MYO5B: variants seen among roughly 807,000 people sequenced by gnomAD.
The protein encoded by MYO5B is myosin VB.
In MYO5B, 143 loss-of-function variants were observed where a neutral mutation model predicts 229.3. That is an observed-to-expected ratio of 0.62 (90% CI 0.54 to 0.72). The LOEUF (loss-of-function observed/expected upper bound fraction) is 0.72. MYO5B is among the 30% of genes least tolerant of loss of function. The pLI, the probability that MYO5B is intolerant of heterozygous loss-of-function variation, is 0.00. For synonymous variants in MYO5B, 918 were observed against 885.2 expected, an observed-to-expected ratio of 1.04 and a Z score of -0.66; for missense variants, 2,321 against 2,331.0, an observed-to-expected ratio of 1.00 and a Z score of 0.09.
intron 1 of MYO5B, among the ~76,000 whole-genome samples, chr18:50,136,585 T>A (rs1705502): frequency 2.1e-3 from 315 of 152,194 alleles, no homozygotes; most frequent in Non-Finnish European, 4.0e-3. Context: ...GGAGGTAGGG[T>A]TATGTGTGTA....
At chr18:50,004,475 A>G (rs921057303) in intron 4 of MYO5B, among the ~76,000 whole-genome samples, 1 of 152,220 alleles carries the variant, frequency 6.6e-6, no homozygotes, top group Non-Finnish European at 1.5e-5. Flanking sequence ...TATGTAGGCT[A>G]AAGTCAGATA....
In MYO5B at chr18:49,910,984, C is replaced by T. The variant is rs971635554; in HGVS notation, c.2202+1078G>A. On this transcript the variant is annotated intron_variant, in intron 18 of 39. Coordinates refer to ENST00000285039, the MANE Select transcript of MYO5B (RefSeq NM_001080467.3). Reference sequence around the variant, plus strand: ...CCCTCACAAAAGGCCCCAATAGCTCCGCTTCTATAGTTCTCCAGTCTCAGC... The same window carrying T: ...CCCTCACAAAAGGCCCCAATAGCTCTGCTTCTATAGTTCTCCAGTCTCAGC... Among the ~76,000 whole-genome samples, 7 of 152,180 alleles carry T rather than the reference C, an allele frequency of 4.6e-5. No individual in the cohort carries two copies. The South Asian group carries it at 6.2e-4, about 14-fold the overall frequency.
intron 5 of MYO5B, among the ~76,000 whole-genome samples, chr18:50,000,254 T>C (rs903258971): frequency 6.6e-6 from 1 of 152,182 alleles, no homozygotes; most frequent in Non-Finnish European, 1.5e-5. Flanking sequence ...CCTTAGTCGA[T>C]GGGGCTCAGG....
rs761990326 is a variant in MYO5B at position 49,904,697 on chromosome 18, A to G, written c.2546T>C (p.Met849Thr). 3.7e-6 allele frequency: 6 copies of G among 1,614,028 alleles called. No individual in the cohort carries two copies. In the East Asian group the frequency reaches 6.7e-5, roughly 18 times the overall value. The change falls in exon 20 of 40, where the codon ATG (methionine) becomes ACG (threonine). Residue 849 changes from methionine to threonine, a missense_variant. Met to Thr is a moderately conservative substitution (Grantham distance 81). Coordinates refer to ENST00000285039, the MANE Select transcript of MYO5B (RefSeq NM_001080467.3). ...CTGGCGGTAGGTTCTCCGCACAAACATGGCCCGGGTGAAGGCCTGGATAAC... is the reference window on the plus strand; with the variant it reads ...CTGGCGGTAGGTTCTCCGCACAAACGTGGCCCGGGTGAAGGCCTGGATAAC... ...AVVIQAFTRA[M>T]FVRRTYRQVL...
At chr18:50,045,342 G>A (rs190922608) in intron 2 of MYO5B, among the ~76,000 whole-genome samples, 171 of 152,264 alleles carry the variant, frequency 1.1e-3, no homozygotes, top group African/African-American at 3.8e-3. Flanking sequence ...GTAGTATTGC[G>A]TGACTCAGTT....
chr18:50,118,064 T>TA (rs2031994972), intron 1 of MYO5B, among the ~76,000 whole-genome samples: 3 of 152,180 alleles, frequency 2.0e-5, no homozygotes, highest in African/African-American at 7.2e-5. Context: ...GCCTTTTTAT[T>TA]AGTGACTCAG....
chr18:49,921,547 T>C (rs1036775197), intron 17 of MYO5B, among the ~76,000 whole-genome samples: 1 of 152,210 alleles, frequency 6.6e-6, no homozygotes, highest in Non-Finnish European at 1.5e-5. Context: ...CACATTTTCA[T>C]TTTAAATCAG....
chr18:50,052,293 T>C (rs1457345545), intron 2 of MYO5B, among the ~76,000 whole-genome samples: 3 of 151,328 alleles, frequency 2.0e-5, no homozygotes, highest in Non-Finnish European at 4.4e-5. Flanking sequence ...TAGCAAAGAC[T>C]TGGAACCAAC....
intron 12 of MYO5B, among the ~76,000 whole-genome samples, chr18:49,955,561 G>A (rs760071232): frequency 2.0e-5 from 3 of 152,118 alleles, no homozygotes; most frequent in Non-Finnish European, 4.4e-5. Flanking sequence ...AATAAAATCC[G>A]CACCATAAAG....
intron 1 of MYO5B, among the ~76,000 whole-genome samples, chr18:50,184,229 C>T (rs2033115697): frequency 2.0e-5 from 3 of 152,052 alleles, no homozygotes; most frequent in Non-Finnish European, 4.4e-5. Flanking sequence ...TAAGAAGCAC[C>T]AGGATGCACG....
At chr18:50,069,298 G>A (rs952073760) in intron 1 of MYO5B, among the ~76,000 whole-genome samples, 6 of 152,040 alleles carry the variant, frequency 3.9e-5, no homozygotes, top group African/African-American at 4.8e-5. Context: ...TTGGGTTAAC[G>A]CTGAGCTCTG....
rs1249362830 is a variant in MYO5B at position 49,876,101 on chromosome 18, C to T, written c.3397-274G>A. The stretch of plus-strand genomic sequence containing the variant: ...CACTTAAAATGACCAACCATATATT[C>T]CAAGAACAAATGGATAAAAACACAG... On this transcript the variant is annotated intron_variant, in intron 25 of 39. Transcript: ENST00000285039. 1.1e-5 allele frequency: 5 copies of T among 462,720 alleles called. No homozygotes were observed. In the East Asian group the frequency reaches 2.2e-4, roughly 20 times the overall value. 28.7% of individuals were successfully genotyped at this position (462,720 alleles called of 1,614,324 possible).
At chr18:49,836,482 G>A (rs757045695) in intron 38 of MYO5B, among the ~76,000 whole-genome samples, 2 of 152,100 alleles carry the variant, frequency 1.3e-5, no homozygotes, top group Non-Finnish European at 2.9e-5. Flanking sequence ...TGAGTAAGAG[G>A]GATAGAGAGT....
Position 49,839,160 on chromosome 18 carries a change from C to T in MYO5B, c.4836G>A (p.Val1612=), listed in dbSNP as rs890331631. ...YQQLIKIAEG[V]LQPMIVSAML... is the part of the protein sequence containing the mutation. ...CCAGCTTACCTATCATCGGCTGTAA[C>T]ACGCCCTCGGCAATTTTAATGAGCT... Residue 1612 remains valine, a synonymous_variant, in exon 36 of 40, where the codon GTG becomes GTA. Transcript: ENST00000285039. 3.7e-6 allele frequency: 6 copies of T among 1,613,612 alleles called. No homozygotes were observed. Among genetic ancestry groups the T allele is most frequent in the African/African-American group, 2.7e-5 (2 of 74,926 alleles).
intron 17 of MYO5B, among the ~76,000 whole-genome samples, chr18:49,928,261 G>A (rs1298745179): frequency 6.6e-6 from 1 of 152,200 alleles, no homozygotes; most frequent in African/African-American, 2.4e-5. Context: ...GTGGTGAAAA[G>A]GGAATGTTTT....
chr18:50,102,082 G>T (rs991001420), intron 1 of MYO5B, among the ~76,000 whole-genome samples: 2 of 152,172 alleles, frequency 1.3e-5, no homozygotes, highest in Non-Finnish European at 2.9e-5. Context: ...GTCCTTGGGT[G>T]AAGGAAGGAT....
chr18:49,879,224 A>C, intron 23 of MYO5B, 134 bp from the exon 24 acceptor site: 2 of 1,044,578 alleles, frequency 1.9e-6, no homozygotes, highest in Non-Finnish European at 2.9e-6. Context: ...TGAATCTATT[A>C]CGCTCCTCAC....
At chr18:50,122,691 C>G (rs2032088193) in intron 1 of MYO5B, among the ~76,000 whole-genome samples, 1 of 110,090 alleles carries the variant, frequency 9.1e-6, no homozygotes, top group Non-Finnish European at 1.9e-5. Context: ...GAGAGACTGA[C>G]TGCATCTCAA....
At chr18:50,188,821 A>ACC (rs1207139286) in intron 1 of MYO5B, among the ~76,000 whole-genome samples, 3 of 76,490 alleles carry the variant, frequency 3.9e-5, no homozygotes, top group Non-Finnish European at 5.9e-5. Context: ...AAAAAAACAC[A>ACC]CACACCTATC....
Sources: allele counts gnomAD v4.1 joint callset (sites outside exome capture counted in the v4.1 genomes callset), GRCh38; gene constraint gnomAD v4.1.1; transcripts MANE v1.5; gene names NCBI Gene and HGNC (gene_info 2026-07-23, HGNC 2026-07-21).